Variants in GALNT1 observed in about 807,000 individuals in gnomAD.
GALNT1 encodes polypeptide N-acetylgalactosaminyltransferase 1.
A neutral mutation model predicts 65.7 loss-of-function variants in GALNT1; 17 were observed. The ratio of observed to expected loss-of-function variants is 0.26; its 90% confidence interval spans 0.18 to 0.39. The LOEUF is 0.39. GALNT1 is among the 10% of genes least tolerant of loss of function. GALNT1 has a pLI of 1.00. For synonymous variants in GALNT1, 210 were observed against 219.7 expected (o/e 0.96, Z 0.39); for missense variants, 460 against 672.8 (o/e 0.68, Z 3.50).
Position 35,654,661 on chromosome 18 carries a change from C to T in GALNT1, c.-2C>T. The T allele has an allele frequency of 1.4e-6, 2 of 1,393,550 alleles. No individual in the cohort carries two copies. The highest frequency in any genetic ancestry group is 2.0e-5 in the South Asian group (1 of 49,014). The allele number at this position is 1,393,550 out of a possible 1,614,324, so 86.3% of individuals were successfully genotyped here. On this transcript the variant is annotated 5_prime_UTR_variant, in exon 2 of 12. Transcript: ENST00000269195. ...TAAATTTTGCATTTGACTTAAAGTG[C>T]CATGAGAAAATTTGCATACTGCAAG...
At chr18:35,677,778 C>G in intron 4 of GALNT1, 21 bp downstream of exon 4, 1 of 1,557,864 alleles carries the variant, frequency 6.4e-7, no homozygotes, top group Non-Finnish European at 8.8e-7. Flanking sequence ...AATTTTAATG[C>G]CAATAATTTG....
At chr18:35,664,080 C>T (rs2047512651) in intron 3 of GALNT1, 1 of 362,506 alleles carries the variant, frequency 2.8e-6, no homozygotes, top group South Asian at 2.9e-5. Context: ...CTCACATACT[C>T]AACTTTTTAC....
intron 7 of GALNT1, among the ~76,000 whole-genome samples, chr18:35,690,102 T>TAA (rs2047934522): frequency 6.6e-6 from 1 of 152,236 alleles, no homozygotes; most frequent in Admixed American, 6.5e-5. Context: ...ATTTTAATTA[T>TAA]AAAGAGTTAT....
chr18:35,699,546 T>A (rs753181397), intron 9 of GALNT1, among the ~76,000 whole-genome samples: 2 of 152,232 alleles, frequency 1.3e-5, no homozygotes, highest in African/African-American at 2.4e-5. Context: ...AGCTGTAGAC[T>A]GTGTGTACAC....
At chr18:35,649,527 T>C (rs544240541) in intron 1 of GALNT1, among the ~76,000 whole-genome samples, 19 of 152,282 alleles carry the variant, frequency 1.2e-4, no homozygotes, top group Middle Eastern at 3.4e-3. Flanking sequence ...AAATTGGAAG[T>C]TTTAGCTTAA....
intron 3 of GALNT1, among the ~76,000 whole-genome samples, chr18:35,669,763 G>A (rs2047604742): frequency 1.3e-5 from 2 of 152,158 alleles, no homozygotes; most frequent in Admixed American, 6.5e-5. Flanking sequence ...TTCCCTTTGA[G>A]ATCTGGAACA....
rs1288232526 is a variant in GALNT1 at position 35,581,765 on chromosome 18, G to C, written c.-201G>C. On this transcript the variant is annotated 5_prime_UTR_variant, in exon 1 of 12. Transcript: ENST00000269195. ...AGTGGCCGAGGAGCGCGCGGCGGAC[G>C]GCGGCCCGAGAGTAGCGCGCTGGCC... 2.4e-5 allele frequency: 3 copies of C among 127,570 alleles called. No homozygotes were observed. Among genetic ancestry groups the C allele is most frequent in the South Asian group, 5.2e-4 (2 of 3,840 alleles). 7.9% of individuals were successfully genotyped at this position (127,570 alleles called of 1,614,324 possible).
intron 1 of GALNT1, among the ~76,000 whole-genome samples, chr18:35,598,907 T>G (rs1025613416): frequency 6.6e-6 from 1 of 152,138 alleles, no homozygotes. Flanking sequence ...TTTCTTGTCC[T>G]TGTAGTAAAA....
chr18:35,653,360 T>G (rs1014259133), intron 1 of GALNT1, among the ~76,000 whole-genome samples: 1 of 152,234 alleles, frequency 6.6e-6, no homozygotes, highest in Non-Finnish European at 1.5e-5. Flanking sequence ...CTGTATATAT[T>G]TCATGGATAA....
Position 35,710,271 on chromosome 18 carries a change from C to CA in GALNT1, c.*508dup, listed in dbSNP as rs979642897. The CA allele has an allele frequency of 6.5e-6, 1 of 152,896 alleles. No individual in the cohort carries two copies. Among genetic ancestry groups the CA allele is most frequent in the Non-Finnish European group, 1.5e-5 (1 of 68,396 alleles). 9.5% of individuals were successfully genotyped at this position (152,896 alleles called of 1,614,324 possible). Reference sequence around the variant, plus strand: ...CATGAAAACAACATTTTTACAACAACAAAAAAACTATATTAAACAGGGTTT... The same window carrying CA: ...CATGAAAACAACATTTTTACAACAACAAAAAAAACTATATTAAACAGGGTTT... On this transcript the variant is annotated 3_prime_UTR_variant, in exon 12 of 12. Coordinates refer to ENST00000269195, the MANE Select transcript of GALNT1 (RefSeq NM_020474.4).
chr18:35,658,192 G>C (rs1358887310), intron 2 of GALNT1, among the ~76,000 whole-genome samples: 1 of 152,212 alleles, frequency 6.6e-6, no homozygotes, highest in African/African-American at 2.4e-5. Flanking sequence ...CATTCTCCCA[G>C]AAACAGTTGT....
intron 3 of GALNT1, among the ~76,000 whole-genome samples, chr18:35,672,445 G>A (rs188093855): frequency 5.5e-4 from 84 of 152,330 alleles, no homozygotes; most frequent in Non-Finnish European, 9.6e-4. Context: ...TGCTCCCCGA[G>A]GTGGAAGGAA....
chr18:35,585,759 A>G (rs576052916), intron 1 of GALNT1, among the ~76,000 whole-genome samples: 3 of 152,218 alleles, frequency 2.0e-5, no homozygotes, highest in Non-Finnish European at 4.4e-5. Flanking sequence ...ACTCAGCATA[A>G]TTCTCTGGAG....
rs545571713 is a variant in GALNT1 at position 35,699,069 on chromosome 18, T to A, written c.1300-3828T>A. Among the ~76,000 whole-genome samples, 66 of 152,308 alleles carry A rather than the reference T, an allele frequency of 4.3e-4. 1 individual carries two copies. The highest frequency in any genetic ancestry group is 1.5e-3 in the African/African-American group (61 of 41,564). ...ATGTACTGCTACCCTGTCATTTCAC[T>A]CATTTCTCCTTCCCAGGTCCTAAGT... On this transcript the variant is annotated intron_variant, in intron 9 of 11. Coordinates refer to ENST00000269195, the MANE Select transcript of GALNT1 (RefSeq NM_020474.4).
At chr18:35,618,585 A>G (rs914205882) in intron 1 of GALNT1, among the ~76,000 whole-genome samples, 1 of 152,236 alleles carries the variant, frequency 6.6e-6, no homozygotes, top group African/African-American at 2.4e-5. Context: ...TGAGAATTAG[A>G]ATTTTAAAAA....
intron 1 of GALNT1, among the ~76,000 whole-genome samples, chr18:35,641,082 T>G (rs769438029): frequency 1.3e-4 from 20 of 152,184 alleles, no homozygotes; most frequent in Admixed American, 6.5e-4. Flanking sequence ...CACCTTGGCT[T>G]CCCAAAGTAT....
intron 9 of GALNT1, 95 bp from the exon 10 acceptor site, chr18:35,702,802 A>G: frequency 2.8e-6 from 2 of 713,038 alleles, no homozygotes; most frequent in Non-Finnish European, 4.5e-6. Context: ...GGGCCAGGGA[A>G]AGTTTAGGTT....
intron 1 of GALNT1, 82 bp downstream of exon 1, chr18:35,581,944 C>G (rs2046326550): frequency 6.6e-6 from 1 of 151,792 alleles, no homozygotes; most frequent in African/African-American, 2.4e-5. Context: ...GGCCCCGCCG[C>G]GGCCGCGTCC....
At chr18:35,643,555 A>C (rs2047192628) in intron 1 of GALNT1, among the ~76,000 whole-genome samples, 1 of 152,180 alleles carries the variant, frequency 6.6e-6, no homozygotes, top group South Asian at 2.1e-4. Context: ...CGAGGTCAGG[A>C]GATCGAGACC....
Sources: gnomAD v4.1 joint callset for allele counts (sites outside exome capture counted in the v4.1 genomes callset) on GRCh38, gnomAD v4.1.1 for gene constraint, MANE v1.5 for transcripts, NCBI Gene and HGNC (gene_info 2026-07-23, HGNC 2026-07-21) for gene names.